Variants in EIF4E3 observed in about 807,000 individuals in gnomAD.
The protein encoded by EIF4E3 is eukaryotic translation initiation factor 4E type 3.
Under a neutral mutation model 31.7 loss-of-function variants are expected in EIF4E3, and 26 were observed. The ratio of observed to expected loss-of-function variants is 0.82; its 90% CI spans 0.60 to 1.14. The LOEUF (loss-of-function observed/expected upper bound fraction) is 1.14, where lower values mean the gene tolerates loss of function less well. Ranked by LOEUF, EIF4E3 falls within the 50% of genes most tolerant of loss-of-function variation. The pLI, the probability that EIF4E3 is intolerant of heterozygous loss-of-function variation, is 0.00. For synonymous variants in EIF4E3, 128 were observed against 107.7 expected (o/e 1.19, Z -1.17); for missense variants, 304 against 270.9 (o/e 1.12, Z -0.86).
intron 5 of EIF4E3, among the ~76,000 whole-genome samples, chr3:71,692,497 C>G (rs770417494): frequency 2.9e-4 from 44 of 152,074 alleles, no homozygotes; most frequent in Non-Finnish European, 4.7e-4. Flanking sequence ...TAATTATACA[C>G]AGGATACATT....
the EIF4E3 span, among the ~76,000 whole-genome samples, chr3:71,664,179 G>C: frequency 6.6e-6 from 1 of 152,162 alleles, no homozygotes. Flanking sequence ...CTGGCTTCTT[G>C]TTTTATGTTA....
intron 3 of EIF4E3, 95 bp from the exon 4 acceptor site, chr3:71,696,615 C>T (rs910704979): frequency 1.8e-5 from 26 of 1,422,504 alleles, no homozygotes; most frequent in African/African-American, 5.7e-5. Context: ...AGTTTAACAA[C>T]AGATGACCTT....
In EIF4E3 at chr3:71,679,941, T is replaced by C. The variant is rs896865030; in HGVS notation, c.*4741A>G. ...GTAGTTACTGCACATATGGAGTAAC[T>C]ACTTTTCTGAACACTAATTTCTTTT... On this transcript the variant is annotated 3_prime_UTR_variant, in exon 7 of 7. Coordinates refer to ENST00000425534, the MANE Select transcript of EIF4E3 (RefSeq NM_001134651.2). 6.6e-6 allele frequency: 1 copy of C among 152,230 alleles called. No individual in the cohort carries two copies. Among genetic ancestry groups the C allele is most frequent in the African/African-American group, 2.4e-5 (1 of 41,468 alleles). 9.4% of individuals were successfully genotyped at this position (152,230 alleles called of 1,614,324 possible).
intron 1 of EIF4E3, among the ~76,000 whole-genome samples, chr3:71,721,442 G>A (rs2049547537): frequency 6.6e-6 from 1 of 152,170 alleles, no homozygotes; most frequent in Non-Finnish European, 1.5e-5. Context: ...CATAACAGTG[G>A]TCAGGCAACA....
intron 5 of EIF4E3, 80 bp downstream of exon 5, chr3:71,693,795 T>C: frequency 1.6e-6 from 2 of 1,284,632 alleles, no homozygotes; most frequent in Non-Finnish European, 2.1e-6. Flanking sequence ...GTCAAACACG[T>C]GATAACAAGC....
At position 71,725,134 on chromosome 3, in the gene EIF4E3, G is replaced by A; in HGVS notation, c.176+58C>T. 2.9e-6 allele frequency: 3 copies of A among 1,023,884 alleles called. No homozygotes were observed. The highest frequency in any genetic ancestry group is 3.5e-6 in the Non-Finnish European group (3 of 855,550). The allele number at this position is 1,023,884 out of a possible 1,614,324, so 63.4% of individuals were successfully genotyped here. A position where few individuals can be genotyped will look rare whatever the true frequency, so the allele number is the denominator to read the frequency against. Reference sequence around the variant, plus strand: ...GCGAGGGGCCGCGCCGAGACAAAGCGGCGGTGGCGGCAGGACCCGGGTCGG... The same window carrying A: ...GCGAGGGGCCGCGCCGAGACAAAGCAGCGGTGGCGGCAGGACCCGGGTCGG... On this transcript the variant is annotated intron_variant, in intron 1 of 6. Transcript: ENST00000425534. This position sits in a 1 kb window ranked among gnomAD's most constrained non-coding sequence, Gnocchi z 6.1.
chr3:71,671,224 G>T (rs756158982), downstream of EIF4E3, among the ~76,000 whole-genome samples: 3 of 152,150 alleles, frequency 2.0e-5, no homozygotes, highest in Non-Finnish European at 4.4e-5. Context: ...TGCAGGAAAG[G>T]AAGCTCTTCT....
chr3:71,716,333 C>G (rs1354764953), intron 1 of EIF4E3, among the ~76,000 whole-genome samples: 1 of 152,096 alleles, frequency 6.6e-6, no homozygotes, highest in Non-Finnish European at 1.5e-5. Context: ...CCCGGGTTCA[C>G]GCCATTCTCC....
upstream of EIF4E3, chr3:71,725,435 C>G (rs2049622213): frequency 1.4e-5 from 13 of 935,540 alleles, no homozygotes; most frequent in South Asian, 9.7e-5. This position sits in a 1 kb window ranked among gnomAD's most constrained non-coding sequence, Gnocchi z 6.1. Flanking sequence ...GAGTCACCCC[C>G]GGCCCCCGCC....
At chr3:71,703,811 C>CA (rs370789059) in intron 2 of EIF4E3, among the ~76,000 whole-genome samples, 23,418 of 72,296 alleles carry the variant, frequency 0.32, 3,454 homozygotes, top group South Asian at 0.42. Context: ...AAACACACAT[C>CA]AAAAAAAAAA....
intron 6 of EIF4E3, among the ~76,000 whole-genome samples, chr3:71,686,625 G>A (rs1196064442): frequency 2.7e-5 from 4 of 149,140 alleles, no homozygotes; most frequent in Admixed American, 6.7e-5. Flanking sequence ...AAGAAAACAC[G>A]CTTTGATCTG....
chr3:71,740,779 A>G (rs1328452997), intron 1 of EIF4E3, among the ~76,000 whole-genome samples: 2 of 152,232 alleles, frequency 1.3e-5, no homozygotes, highest in African/African-American at 4.8e-5. Flanking sequence ...AGTACCTACT[A>G]TTGTCCAGGA....
chr3:71,700,623 A>AG (rs1045649066), intron 2 of EIF4E3, among the ~76,000 whole-genome samples: 35 of 151,684 alleles, frequency 2.3e-4, no homozygotes, highest in Middle Eastern at 3.4e-3. Context: ...AAAAAAAAAA[A>AG]AAAAAAAAAA....
chr3:71,723,488 G>C (rs969142525), intron 1 of EIF4E3, among the ~76,000 whole-genome samples: 12 of 152,150 alleles, frequency 7.9e-5, no homozygotes, highest in Non-Finnish European at 1.6e-4. Context: ...TATAGATATA[G>C]TTTTTGTCTT....
chr3:71,670,760 A>G (rs942529191), downstream of EIF4E3, among the ~76,000 whole-genome samples: 2 of 152,184 alleles, frequency 1.3e-5, no homozygotes, highest in Admixed American at 6.5e-5. Context: ...AGATCTATCC[A>G]TGAGAAACAC....
At chr3:71,706,200 G>A (rs753085072) in intron 2 of EIF4E3, among the ~76,000 whole-genome samples, 2 of 152,088 alleles carry the variant, frequency 1.3e-5, no homozygotes, top group Non-Finnish European at 2.9e-5. Flanking sequence ...CCTCAATCAC[G>A]GGGAGTAAAA....
chr3:71,673,512 A>T (rs2048856825), downstream of EIF4E3, among the ~76,000 whole-genome samples: 1 of 152,212 alleles, frequency 6.6e-6, no homozygotes, highest in African/African-American at 2.4e-5. Flanking sequence ...AGATTAGTAA[A>T]AAAACACTCA....
At chr3:71,745,491 C>T (rs1189640215) in intron 1 of EIF4E3, among the ~76,000 whole-genome samples, 1 of 152,064 alleles carries the variant, frequency 6.6e-6, no homozygotes, top group Non-Finnish European at 1.5e-5. Context: ...CAAATCGCCA[C>T]CATATAAAGT....
chr3:71,675,193 C>G (rs76279017), downstream of EIF4E3, among the ~76,000 whole-genome samples: 3,227 of 152,288 alleles, frequency 0.021, 74 homozygotes, highest in Non-Finnish European at 0.025. Context: ...TTAAAGGTCA[C>G]CAGTAAGAAG....
Sources: gnomAD v4.1 joint callset for allele counts (sites outside exome capture counted in the v4.1 genomes callset) on GRCh38, gnomAD v4.1.1 for gene constraint, Gnocchi (gnomAD v3.1) non-coding constraint, MANE v1.5 for transcripts, NCBI Gene and HGNC (gene_info 2026-07-23, HGNC 2026-07-21) for gene names.